Variants in ZNF28 observed in about 807,000 individuals in gnomAD.
ZNF28 encodes zinc finger protein KOX24.
In ZNF28, 5 loss-of-function variants were observed where a neutral mutation model predicts 7.2. The ratio of observed to expected loss-of-function variants is 0.70; its 90% CI spans 0.36 to 1.46. The LOEUF is 1.46. ZNF28 is among the 40% of genes most tolerant of loss of function. The pLI is 0.03. For missense variants in ZNF28, 879 were observed against 866.6 expected, an observed-to-expected ratio of 1.01 and a Z score of -0.18; for synonymous variants, 288 against 292.4, an observed-to-expected ratio of 0.99 and a Z score of 0.15.
At chr19:52,810,783 A>G in intron 2 of ZNF28, 1 of 495,114 alleles carries the variant, frequency 2.0e-6, no homozygotes. Flanking sequence ...AAAAACCCAA[A>G]AAAAACAGAA....
chr19:52,811,622 CCCCG>C, intron 2 of ZNF28, among the ~76,000 whole-genome samples: 14 of 143,844 alleles, frequency 9.7e-5, no homozygotes, highest in African/African-American at 3.4e-4. Flanking sequence ...TGCCCGGCCG[CCCCG>C]TCTGAGAAGT....
At chr19:52,817,823 G>A (rs1312833348) in intron 2 of ZNF28, 121 bp downstream of exon 2, 3 of 1,558,108 alleles carry the variant, frequency 1.9e-6, no homozygotes, top group Non-Finnish European at 2.6e-6. Flanking sequence ...AGGAAGGCAT[G>A]GGTGAGGGTG....
chr19:52,812,194 G>T (rs1210631954), intron 2 of ZNF28, among the ~76,000 whole-genome samples: 1 of 126,508 alleles, frequency 7.9e-6, no homozygotes, highest in Non-Finnish European at 1.6e-5. Context: ...GGTGAGGGGC[G>T]CTTCTGCCCG....
In ZNF28 at chr19:52,801,095, C is replaced by G; in HGVS notation, c.750G>C (p.Lys250Asn). 6.2e-7 allele frequency: 1 copy of G among 1,614,050 alleles called. No homozygotes were observed. The highest frequency in any genetic ancestry group is 8.5e-7 in the Non-Finnish European group (1 of 1,180,014). Residue 250 changes from lysine to asparagine, a missense_variant, in exon 4 of 4, where the codon AAG (lysine) becomes AAC (asparagine). Lys to Asn is a moderately conservative substitution (Grantham distance 94, BLOSUM62 0). Transcript: ENST00000457749. ...CAAGGTATCGCTTCTGATTAAATAC[C>G]TTGCCATATACATCACATTTACATT... is the stretch of plus-strand genomic sequence containing the variant. ...EKQCKCDVYG[K>N]VFNQKRYLAC... is the part of the protein sequence containing the mutation.
intron 2 of ZNF28, among the ~76,000 whole-genome samples, chr19:52,810,946 G>A (rs1303425433): frequency 7.9e-6 from 1 of 126,906 alleles, no homozygotes; most frequent in Non-Finnish European, 1.6e-5. Context: ...CCGAGCCAAA[G>A]CTGGACGGTA....
chr19:52,808,166 A>G (rs751906032), intron 2 of ZNF28, 33 bp from the exon 3 acceptor site: 33 of 1,611,074 alleles, frequency 2.0e-5, no homozygotes, highest in Non-Finnish European at 2.6e-5. Context: ...CCAAATGGTT[A>G]TGGTGGAGTT....
chr19:52,800,481 GC>G lies in ZNF28; in HGVS notation c.1363del (p.Ala455HisfsTer169). 1.9e-6 allele frequency: 3 copies of G among 1,613,520 alleles called. No homozygotes were observed. The highest frequency in any genetic ancestry group is 2.5e-6 in the Non-Finnish European group (3 of 1,179,834). Reference sequence around the variant, plus strand: ...TGCAGTATGAAGTCTATGATGGCGTGCAAGAGTTGATTGTTGATTAAAAACC... The same window carrying G: ...TGCAGTATGAAGTCTATGATGGCGTGAAGAGTTGATTGTTGATTAAAAACC... ...GKVFNQQSTL[A>X]RHHRLHTAEK... On this transcript the variant is annotated frameshift_variant, in exon 4 of 4. Transcript: ENST00000457749. LOFTEE classifies it low-confidence loss of function (END_TRUNC).
chr19:52,809,399 C>G (rs75546631), intron 2 of ZNF28, among the ~76,000 whole-genome samples: 1 of 151,926 alleles, frequency 6.6e-6, no homozygotes, highest in African/African-American at 2.4e-5. Context: ...CATGTAAATT[C>G]ACAACTAGCA....
At position 52,800,555 on chromosome 19, in the gene ZNF28, A is replaced by G; in HGVS notation, c.1290T>C (p.Ser430=). 1 of 1,612,622 alleles carries G rather than the reference A, an allele frequency of 6.2e-7. No homozygotes were observed. The highest frequency in any genetic ancestry group is 1.1e-5 in the South Asian group (1 of 90,988). Residue 430 remains serine (S), a synonymous_variant, in exon 4 of 4, where the codon AGT becomes AGC. Transcript: ENST00000457749. ...FAYNSYLAKH[S]IIHTGEKPYK... ...AAGGCTTCTCTCCAGTGTGAATTAT[A>G]CTATGTTTTGCCAGGTATGAATTAT...
chr19:52,801,699 A>G lies in ZNF28; in HGVS notation c.146T>C (p.Ile49Thr), dbSNP rs746583072. The G allele has an allele frequency of 8.7e-6, 14 of 1,610,304 alleles. No homozygotes were observed. The highest frequency in any genetic ancestry group is 2.7e-5 in the African/African-American group (2 of 74,752). The change falls in exon 4 of 4, where the codon ATC becomes ACC. Residue 49 changes from isoleucine to threonine, a missense_variant. Ile to Thr is a moderately conservative substitution (Grantham distance 89). Coordinates refer to ENST00000457749, the MANE Select transcript of ZNF28 (RefSeq NM_006969.5). ...ENYRNLVSLD[I>T]SSKCMMKTFF... ...TGTCTTCATCATGCATTTGGAAGAG[A>G]TATCTACAAAATATAAACACCAATA... is the stretch of plus-strand genomic sequence containing the variant.
At chr19:52,817,776 A>T (rs2063145709) in intron 2 of ZNF28, among the ~76,000 whole-genome samples, 168 bp downstream of exon 2, 1 of 152,098 alleles carries the variant, frequency 6.6e-6, no homozygotes, top group African/African-American at 2.4e-5. Context: ...TCACTGGGTC[A>T]CCAGAGATGG....
chr19:52,813,267 A>AAG (rs1218650649), intron 2 of ZNF28, among the ~76,000 whole-genome samples: 1 of 149,068 alleles, frequency 6.7e-6, no homozygotes, highest in East Asian at 2.0e-4. Flanking sequence ...AAAAAAAAAA[A>AAG]AAAAGACATA....
At position 52,799,898 on chromosome 19, in the gene ZNF28, G is replaced by T. The variant is rs200862704; in HGVS notation, c.1947C>A (p.Ser649=). The part of the protein sequence containing the change: ...ECGKTFSQMS[S]LVYHHRLHSG... ...TATGAAGCCTATGATGGTATACGAG[G>T]GATGACATCTGACTGAAGGTCTTGC... The change falls in exon 4 of 4, where the codon TCC becomes TCA. Residue 649 remains serine (S), a synonymous_variant. Coordinates refer to ENST00000457749, the MANE Select transcript of ZNF28 (RefSeq NM_006969.5). The T allele has an allele frequency of 2.5e-6, 4 of 1,613,346 alleles. No individual in the cohort carries two copies. Among genetic ancestry groups the T allele is most frequent in the Middle Eastern group, 3.3e-4 (2 of 6,056 alleles).
intron 3 of ZNF28, among the ~76,000 whole-genome samples, chr19:52,804,010 G>A (rs2062905985): frequency 6.6e-6 from 1 of 152,118 alleles, no homozygotes; most frequent in Non-Finnish European, 1.5e-5. Flanking sequence ...TGGTAGATGT[G>A]GTATTCTCTA....
Position 52,799,346 on chromosome 19 carries a change from A to C in ZNF28, c.*342T>G, listed in dbSNP as rs2062832321. 1 of 531,898 alleles carries C rather than the reference A, an allele frequency of 1.9e-6. No homozygotes were observed. The highest frequency in any genetic ancestry group is 3.4e-6 in the Non-Finnish European group (1 of 290,192). The allele number at this position is 531,898 out of a possible 1,614,324, so 32.9% of individuals were successfully genotyped here. Reference sequence around the variant, plus strand: ...ATTCAAAAATCTTGTCATAAACCTTACATCTGTGTGGTTTCTCTTCAGCAT... The same window carrying C: ...ATTCAAAAATCTTGTCATAAACCTTCCATCTGTGTGGTTTCTCTTCAGCAT... On this transcript the variant is annotated 3_prime_UTR_variant, in exon 4 of 4. Coordinates refer to ENST00000457749, the MANE Select transcript of ZNF28 (RefSeq NM_006969.5).
rs368451322 is a variant in ZNF28, at chr19:52,810,285, G to C, written c.16-2152C>G. 51 of 1,479,126 alleles carry C rather than the reference G, an allele frequency of 3.4e-5. No individual in the cohort carries two copies. The African/African-American group carries it at 6.1e-4, about 18-fold the overall frequency. The allele number at this position is 1,479,126 out of a possible 1,614,324, so 91.6% of individuals were successfully genotyped here. The stretch of plus-strand genomic sequence containing the variant: ...TGGCCCAGTGATCACGTCCATTGAG[G>C]AGAAGATGGAGGCTGATGCCCGTTC... On this transcript the variant is annotated intron_variant, in intron 2 of 3. Transcript: ENST00000457749.
chr19:52,811,341 G>A (rs2063034670), intron 2 of ZNF28, among the ~76,000 whole-genome samples: 2 of 148,684 alleles, frequency 1.3e-5, no homozygotes, highest in South Asian at 2.1e-4. Context: ...GAGCGACTCT[G>A]CCTGGCCGCC....
At chr19:52,813,129 T>C (rs1281602340) in intron 2 of ZNF28, among the ~76,000 whole-genome samples, 2 of 151,898 alleles carry the variant, frequency 1.3e-5, no homozygotes, top group Admixed American at 6.6e-5. Flanking sequence ...CCAATACTTT[T>C]GCATGTATTT....
intron 3 of ZNF28, among the ~76,000 whole-genome samples, chr19:52,806,590 C>T (rs1367522408): frequency 1.3e-5 from 2 of 151,564 alleles, no homozygotes; most frequent in African/African-American, 4.9e-5. Flanking sequence ...TAAAGAACTA[C>T]AAGACAAAAC....
Sources: gnomAD v4.1 joint callset for allele counts (sites outside exome capture counted in the v4.1 genomes callset) on GRCh38, gnomAD v4.1.1 for gene constraint, MANE v1.5 for transcripts, NCBI Gene and HGNC (gene_info 2026-07-23, HGNC 2026-07-21) for gene names.